The following EXT1 variants were observed in gnomAD, a reference collection of about 807,000 sequenced individuals.
The protein encoded by EXT1 is exostosin-1.
Under a neutral mutation model 82.5 loss-of-function variants are expected in EXT1, and 20 were observed. The observed-to-expected ratio is 0.24, with a 90% confidence interval of 0.17 to 0.35. The LOEUF is 0.35. Ranked by LOEUF, EXT1 falls within the 10% of genes least tolerant of loss-of-function variation. The pLI, the probability that EXT1 is intolerant of heterozygous loss-of-function variation, is 1.00. For synonymous variants in EXT1, 348 were observed against 350.8 expected, an observed-to-expected ratio of 0.99 and a Z score of 0.09; for missense variants, 757 against 936.5, an observed-to-expected ratio of 0.81 and a Z score of 2.50.
At chr8:117,934,427 T>C (rs1274126439) in intron 1 of EXT1, among the ~76,000 whole-genome samples, 1 of 152,172 alleles carries the variant, frequency 6.6e-6, no homozygotes, top group African/African-American at 2.4e-5. Flanking sequence ...CCTGCCTGCA[T>C]GTTGCAAGAG....
intron 1 of EXT1, among the ~76,000 whole-genome samples, chr8:117,903,432 A>C (rs1183106970): frequency 2.6e-5 from 4 of 152,180 alleles, no homozygotes; most frequent in Admixed American, 6.5e-5. Flanking sequence ...TTTCCACTTA[A>C]AAACTCTATG....
intron 5 of EXT1, 79 bp from the exon 6 acceptor site, chr8:117,819,873 C>T: frequency 7.6e-7 from 1 of 1,316,326 alleles, no homozygotes; most frequent in Non-Finnish European, 1.1e-6. Context: ...TGCTCCGCTG[C>T]CTCATGCTGG....
chr8:117,803,806 T>C (rs569756507), intron 10 of EXT1, among the ~76,000 whole-genome samples: 11 of 152,368 alleles, frequency 7.2e-5, no homozygotes, highest in Admixed American at 2.0e-4. Context: ...ACTTCACTTT[T>C]ATAAAAGCTT....
chr8:118,086,766 A>G (rs927268572), intron 1 of EXT1, among the ~76,000 whole-genome samples: 9 of 152,200 alleles, frequency 5.9e-5, no homozygotes, highest in Non-Finnish European at 1.2e-4. Flanking sequence ...ATTAGAAACC[A>G]CTACTCAAAC....
chr8:117,994,700 A>C (rs1221908479), intron 1 of EXT1, among the ~76,000 whole-genome samples: 1 of 152,186 alleles, frequency 6.6e-6, no homozygotes, highest in Admixed American at 6.5e-5. Context: ...TGGGGCAACA[A>C]GCTGTTTTAG....
intron 1 of EXT1, among the ~76,000 whole-genome samples, chr8:118,082,263 G>A (rs1817346070): frequency 6.6e-6 from 1 of 151,948 alleles, no homozygotes; most frequent in South Asian, 2.1e-4. Context: ...TTGTATCCAG[G>A]GATATATTTA....
chr8:117,839,829 A>G (rs566986352), intron 1 of EXT1, among the ~76,000 whole-genome samples: 9 of 152,296 alleles, frequency 5.9e-5, no homozygotes, highest in Admixed American at 4.6e-4. Context: ...AAGAAATACT[A>G]TGTTTCAGAC....
chr8:117,966,243 C>G (rs1205462950), intron 1 of EXT1, among the ~76,000 whole-genome samples: 1 of 152,204 alleles, frequency 6.6e-6, no homozygotes, highest in Admixed American at 6.5e-5. Context: ...AACGAGGATT[C>G]TTTCACAAGG....
chr8:117,874,530 C>T (rs6991164), intron 1 of EXT1, among the ~76,000 whole-genome samples: 20,137 of 142,906 alleles, frequency 0.14, 1,416 homozygotes, highest in Middle Eastern at 0.17. Flanking sequence ...GAGCTGAGAT[C>T]GTGCCACTTC....
chr8:117,974,806 T>C (rs911708040), intron 1 of EXT1, among the ~76,000 whole-genome samples: 5 of 151,882 alleles, frequency 3.3e-5, no homozygotes, highest in African/African-American at 1.2e-4. Context: ...ACCTCTCAGA[T>C]AACCCTTGTT....
chr8:117,817,509 G>C (rs957492032), intron 7 of EXT1, among the ~76,000 whole-genome samples: 2 of 151,964 alleles, frequency 1.3e-5, no homozygotes, highest in Non-Finnish European at 2.9e-5. Flanking sequence ...AGATCTATAA[G>C]TAACAAGCAG....
At chr8:117,962,107 T>C (rs986148283) in intron 1 of EXT1, among the ~76,000 whole-genome samples, 5 of 133,682 alleles carry the variant, frequency 3.7e-5, no homozygotes, top group East Asian at 2.1e-4. Context: ...GTAGGCTCAT[T>C]TGTCAGTTTA....
At chr8:117,823,792 T>C (rs759932221) in intron 4 of EXT1, among the ~76,000 whole-genome samples, 2 of 152,210 alleles carry the variant, frequency 1.3e-5, no homozygotes, top group African/African-American at 2.4e-5. Context: ...CTTAGTTCAA[T>C]GATTTCTGCA....
intron 1 of EXT1, among the ~76,000 whole-genome samples, chr8:117,871,473 T>C (rs1453498151): frequency 6.6e-6 from 1 of 152,238 alleles, no homozygotes; most frequent in Admixed American, 6.5e-5. Flanking sequence ...TAAAATCTAA[T>C]TAACCAATTA....
chr8:117,959,265 C>T (rs897112800), intron 1 of EXT1, among the ~76,000 whole-genome samples: 7 of 152,120 alleles, frequency 4.6e-5, no homozygotes, highest in African/African-American at 1.2e-4. Context: ...CACCCAAGGC[C>T]GGCCCTGATC....
chr8:117,986,902 T>G (rs1316476329), intron 1 of EXT1, among the ~76,000 whole-genome samples: 1 of 152,206 alleles, frequency 6.6e-6, no homozygotes, highest in East Asian at 1.9e-4. Context: ...GGCTTTGCAT[T>G]TTCAATGTGA....
chr8:117,954,547 T>C (rs919095027), intron 1 of EXT1, among the ~76,000 whole-genome samples: 1 of 152,206 alleles, frequency 6.6e-6, no homozygotes, highest in African/African-American at 2.4e-5. Flanking sequence ...ATTATATATG[T>C]CCTTGCTAAA....
intron 1 of EXT1, among the ~76,000 whole-genome samples, chr8:117,855,340 G>A (rs539520385): frequency 2.6e-5 from 4 of 152,132 alleles, no homozygotes; most frequent in Non-Finnish European, 5.9e-5. Context: ...TTCCAACAAC[G>A]TGCTCAATTC....
chr8:117,940,258 T>C (rs113832491), intron 1 of EXT1, among the ~76,000 whole-genome samples: 23 of 152,306 alleles, frequency 1.5e-4, no homozygotes, highest in Non-Finnish European at 2.9e-4. Context: ...TGAGATGACA[T>C]AGGCCGACTG....
Sources: gnomAD v4.1 joint callset for allele counts (sites outside exome capture counted in the v4.1 genomes callset) on GRCh38, gnomAD v4.1.1 for gene constraint, MANE v1.5 for transcripts, NCBI Gene and HGNC (gene_info 2026-07-23, HGNC 2026-07-21) for gene names.